The following NRG3 variants were observed in gnomAD, a reference collection of about 807,000 sequenced individuals.
The protein encoded by NRG3 is neuregulin 3.
In NRG3, 31 loss-of-function variants were observed where a neutral mutation model predicts 66.9. That is an observed-to-expected ratio of 0.46 (90% CI 0.35 to 0.63). The LOEUF (loss-of-function observed/expected upper bound fraction) is 0.63, where lower values mean the gene tolerates loss of function less well. Among genes scored for constraint, NRG3 ranks in the 20% least tolerant of loss-of-function variants. The pLI, the probability that NRG3 is intolerant of heterozygous loss-of-function variation, is 0.00. For missense variants in NRG3, 910 were observed against 878.9 expected (o/e 1.04, Z -0.45); for synonymous variants, 393 against 359.4 (o/e 1.09, Z -1.06).
intron 3 of NRG3, among the ~76,000 whole-genome samples, chr10:82,856,743 CAAAAAAAAAAAACAAA>C (rs1283010599): frequency 9.6e-4 from 64 of 66,422 alleles, no homozygotes; most frequent in South Asian, 2.2e-3. Flanking sequence ...GACTCTGTCT[CAAAAAAAAAAAACAAA>C]AAAAAAAAAA....
At chr10:81,880,497 G>A (rs1285588314) in intron 1 of NRG3, among the ~76,000 whole-genome samples, 1 of 152,208 alleles carries the variant, frequency 6.6e-6, no homozygotes, top group African/African-American at 2.4e-5. Context: ...TGTTGGTGCA[G>A]TTTGAAATCA....
intron 1 of NRG3, among the ~76,000 whole-genome samples, chr10:81,951,810 GAC>G (rs1849380475): frequency 6.6e-6 from 1 of 152,180 alleles, no homozygotes; most frequent in African/African-American, 2.4e-5. Flanking sequence ...CTGCTATAAA[GAC>G]ACATGCACAC....
chr10:82,832,508 G>A (rs1288209459), intron 3 of NRG3, among the ~76,000 whole-genome samples: 1 of 152,030 alleles, frequency 6.6e-6, no homozygotes, highest in Non-Finnish European at 1.5e-5. Context: ...AATAATATAT[G>A]GCAATATTAA....
intron 2 of NRG3, among the ~76,000 whole-genome samples, chr10:82,545,948 C>T (rs994701594): frequency 8.0e-5 from 12 of 150,890 alleles, no homozygotes; most frequent in Non-Finnish European, 1.0e-4. Flanking sequence ...CCACCATGCC[C>T]GGCTAATTTC....
At chr10:82,887,843 A>G (rs1171823738) in intron 4 of NRG3, among the ~76,000 whole-genome samples, 2 of 152,250 alleles carry the variant, frequency 1.3e-5, no homozygotes, top group Admixed American at 1.3e-4. Context: ...GAACATATGC[A>G]GGTCTAATTA....
At chr10:81,938,551 CACAG>C (rs1271225871) in intron 1 of NRG3, among the ~76,000 whole-genome samples, 2 of 151,058 alleles carry the variant, frequency 1.3e-5, no homozygotes, top group Non-Finnish European at 2.9e-5. Context: ...TGTGTAGAAA[CACAG>C]ACAATTTTTT....
chr10:81,979,628 C>A (rs1211062141), intron 1 of NRG3, among the ~76,000 whole-genome samples: 1 of 152,126 alleles, frequency 6.6e-6, no homozygotes, highest in Non-Finnish European at 1.5e-5. Flanking sequence ...GAGCTTACAT[C>A]CAAATGTTTT....
chr10:81,885,057 C>T (rs1371395900), intron 1 of NRG3, among the ~76,000 whole-genome samples: 1 of 152,090 alleles, frequency 6.6e-6, no homozygotes, highest in Non-Finnish European at 1.5e-5. Flanking sequence ...AATCTTTGTA[C>T]CCATTGAGCA....
chr10:82,971,581 C>T (rs901279732), intron 6 of NRG3, among the ~76,000 whole-genome samples: 6 of 151,934 alleles, frequency 3.9e-5, no homozygotes, highest in Non-Finnish European at 5.9e-5. Context: ...GGATTACAGG[C>T]GCATGCCACC....
At chr10:81,982,450 T>A (rs755863371) in intron 1 of NRG3, among the ~76,000 whole-genome samples, 17 of 152,218 alleles carry the variant, frequency 1.1e-4, no homozygotes, top group Non-Finnish European at 1.9e-4. Flanking sequence ...TGCTTCCACA[T>A]TTTTAGGTGT....
At chr10:82,600,503 C>T (rs1157380183) in intron 2 of NRG3, among the ~76,000 whole-genome samples, 3 of 152,150 alleles carry the variant, frequency 2.0e-5, no homozygotes, top group Non-Finnish European at 2.9e-5. Context: ...CGGAGTCTCG[C>T]TCTGTCACCC....
At chr10:82,309,837 A>G (rs547886593) in intron 1 of NRG3, among the ~76,000 whole-genome samples, 1 of 152,172 alleles carries the variant, frequency 6.6e-6, no homozygotes, top group East Asian at 1.9e-4. Context: ...CAACATGTAA[A>G]CTCAGCATCT....
chr10:82,366,611 A>G (rs188020487), intron 2 of NRG3, among the ~76,000 whole-genome samples: 1 of 152,324 alleles, frequency 6.6e-6, no homozygotes, highest in Admixed American at 6.5e-5. Context: ...AATTGTGTCA[A>G]TAACATGAAA....
chr10:82,793,566 C>A (rs999062814), intron 3 of NRG3, among the ~76,000 whole-genome samples: 2 of 152,100 alleles, frequency 1.3e-5, no homozygotes, highest in Admixed American at 6.5e-5. Context: ...TTCTCAGATC[C>A]AGGTGTCATT....
Position 82,561,268 on chromosome 10 carries a change from T to C in NRG3, c.954-177309T>C, listed in dbSNP as rs141281154. On this transcript the variant is annotated intron_variant, in intron 2 of 8. Transcript: ENST00000372141. ...CACCTTCCACCGTAAATGGCCTATT[T>C]AAATTTGCTGCTTTTTGTTGTTGTT... is the stretch of plus-strand genomic sequence containing the variant. 1.8e-4 allele frequency among the ~76,000 whole-genome samples: 27 copies of C among 152,334 alleles called. No homozygotes were observed. In the East Asian group the frequency reaches 5.0e-3, roughly 28 times the overall value.
chr10:82,647,354 A>G (rs1249399239), intron 2 of NRG3, among the ~76,000 whole-genome samples: 1 of 152,116 alleles, frequency 6.6e-6, no homozygotes, highest in Non-Finnish European at 1.5e-5. Flanking sequence ...TTATGGCTGC[A>G]TAGTATTCCA....
chr10:82,048,648 G>A (rs2063433966), intron 1 of NRG3, among the ~76,000 whole-genome samples: 1 of 151,200 alleles, frequency 6.6e-6, no homozygotes, highest in Non-Finnish European at 1.5e-5. Context: ...GAGAAAGCAG[G>A]AAAGATCCAA....
chr10:82,929,354 T>C (rs1007852438), intron 4 of NRG3, among the ~76,000 whole-genome samples: 1 of 152,192 alleles, frequency 6.6e-6, no homozygotes, highest in Non-Finnish European at 1.5e-5. Flanking sequence ...CATTTCTATG[T>C]CCTAAGGGAT....
At chr10:82,265,972 T>C (rs1338968725) in intron 1 of NRG3, among the ~76,000 whole-genome samples, 3 of 152,150 alleles carry the variant, frequency 2.0e-5, no homozygotes, top group Admixed American at 2.0e-4. Flanking sequence ...TAATAGGGCT[T>C]CAGAGAAAAG....
Sources: gnomAD v4.1 joint callset for allele counts (sites outside exome capture counted in the v4.1 genomes callset) on GRCh38, gnomAD v4.1.1 for gene constraint, MANE v1.5 for transcripts, NCBI Gene and HGNC (gene_info 2026-07-23, HGNC 2026-07-21) for gene names.